GRHL3: variants seen among roughly 807,000 people sequenced by gnomAD.
The protein encoded by GRHL3 is grainyhead-like protein 3 homolog.
In GRHL3, 20 loss-of-function variants were observed where a neutral mutation model predicts 70.3. That is an observed-to-expected ratio of 0.28 (90% confidence interval 0.20 to 0.41). The LOEUF (loss-of-function observed/expected upper bound fraction) is 0.41. Among genes scored for constraint, GRHL3 ranks in the 10% least tolerant of loss-of-function variants. The pLI is 1.00. For synonymous variants in GRHL3, 299 were observed against 299.9 expected (o/e 1.00, Z 0.03); for missense variants, 637 against 762.3 (o/e 0.84, Z 1.94).
chr1:24,320,243 G>GA (rs1639128522), intron 1 of GRHL3, among the ~76,000 whole-genome samples: 1 of 152,338 alleles, frequency 6.6e-6, no homozygotes, highest in East Asian at 1.9e-4. Context: ...GCTATGGTCT[G>GA]AAGATGCGTT....
Position 24,346,542 on chromosome 1 carries a change from C to T in GRHL3, c.1455-11C>T. 6.2e-7 allele frequency: 1 copy of T among 1,603,822 alleles called. No individual in the cohort carries two copies. Among genetic ancestry groups the T allele is most frequent in the Non-Finnish European group, 8.5e-7 (1 of 1,171,578 alleles). On this transcript the variant is annotated splice_polypyrimidine_tract_variant and intron_variant, in intron 12 of 15. Transcript: ENST00000361548. The stretch of plus-strand genomic sequence containing the variant: ...AGTTTCTCACAAGCTCCCCCACTGC[C>T]ATCCCCACAGGCTGCCTCTGAAGCG...
chr1:24,364,441 G>A, exon 16 of GRHL3: 4 of 1,452,606 alleles, frequency 2.8e-6, no homozygotes, highest in Non-Finnish European at 3.6e-6. Flanking sequence ...CTCAGAGTAT[G>A]TGGCCCCTGA....
At chr1:24,341,435 G>A (rs1640035006) in intron 8 of GRHL3, among the ~76,000 whole-genome samples, 1 of 152,318 alleles carries the variant, frequency 6.6e-6, no homozygotes, top group South Asian at 2.1e-4. Flanking sequence ...GCAGATGTGG[G>A]CGGCCCCTCC....
intron 15 of GRHL3, among the ~76,000 whole-genome samples, chr1:24,354,157 G>A (rs969219164): frequency 6.6e-6 from 1 of 152,184 alleles, no homozygotes; most frequent in African/African-American, 2.4e-5. Flanking sequence ...GCAGGCCTGG[G>A]TTGGGTTGTG....
chr1:24,339,790 G>T, intron 8 of GRHL3, 28 bp downstream of exon 8: 1 of 1,480,128 alleles, frequency 6.8e-7, no homozygotes, highest in South Asian at 1.2e-5. Context: ...TGGCTGGGAT[G>T]GGACTGGGCT....
At position 24,328,006 on chromosome 1, in the gene GRHL3, C is replaced by G. The variant is rs138019070; in HGVS notation, c.18-3420C>G. Among the ~76,000 whole-genome samples, 25 of 152,332 alleles carry G rather than the reference C, an allele frequency of 1.6e-4. No homozygotes were observed. The East Asian group carries it at 4.6e-3, about 28-fold the overall frequency. Reference sequence around the variant, plus strand: ...TGGTGGCAGGAGCAGGCATGGGAACCAGGGCATTGGGACTCCCAGCCCCTG... The same window carrying G: ...TGGTGGCAGGAGCAGGCATGGGAACGAGGGCATTGGGACTCCCAGCCCCTG... On this transcript the variant is annotated intron_variant, in intron 1 of 15. Transcript: ENST00000361548.
At chr1:24,357,911 G>A, downstream of GRHL3, 1 of 324,752 alleles carries the variant, frequency 3.1e-6, no homozygotes, top group South Asian at 2.6e-5. Context: ...ATTCCAAGAT[G>A]ATCTCCCACT....
At chr1:24,343,206 T>C (rs1245825527) in intron 11 of GRHL3, 181 bp downstream of exon 11, 4 of 609,164 alleles carry the variant, frequency 6.6e-6, no homozygotes, top group South Asian at 4.6e-5. Context: ...ACCTATTGTA[T>C]TGAAGAGAAG....
chr1:24,350,171 A>G, intron 15 of GRHL3, 49 bp downstream of exon 15: 1 of 1,514,942 alleles, frequency 6.6e-7, no homozygotes, highest in Non-Finnish European at 9.1e-7. Flanking sequence ...GTGCTGAGCA[A>G]TGTTTGTACT....
downstream of GRHL3, chr1:24,358,422 G>A (rs1640865624): frequency 5.9e-6 from 5 of 853,710 alleles, no homozygotes; most frequent in South Asian, 5.4e-5. Context: ...CAGAGTGGTA[G>A]AGCCACCCCC....
rs1468925131 is a variant in GRHL3, at chr1:24,321,231, T to A, written c.17+1663T>A. Among the ~76,000 whole-genome samples, 3 of 152,224 alleles carry A rather than the reference T, an allele frequency of 2.0e-5. No homozygotes were observed. Among genetic ancestry groups the A allele is most frequent in the Admixed American group, 2.0e-4 (3 of 15,288 alleles). On this transcript the variant is annotated intron_variant, in intron 1 of 15. Transcript: ENST00000361548. The surrounding 1 kb of genome is among the most constrained non-coding windows in gnomAD (Gnocchi z 4.0). The stretch of plus-strand genomic sequence containing the variant: ...AAAGGTTTCTTGCTTTTCTCCTCCC[T>A]AATGGTTTGGATTTGAAGTCAGATC...
intron 15 of GRHL3, among the ~76,000 whole-genome samples, chr1:24,362,373 C>T (rs1210605763): frequency 6.6e-6 from 1 of 152,192 alleles, no homozygotes; most frequent in Non-Finnish European, 1.5e-5. Context: ...ATGGAGAAAG[C>T]ATGATGGCGG....
intron 11 of GRHL3, among the ~76,000 whole-genome samples, chr1:24,343,967 T>C (rs1640146838): frequency 6.6e-6 from 1 of 152,204 alleles, no homozygotes; most frequent in African/African-American, 2.4e-5. Context: ...TCTTGGGAGC[T>C]GCGCTGTGGC....
At chr1:24,340,464 A>G (rs1388797077) in intron 8 of GRHL3, among the ~76,000 whole-genome samples, 1 of 152,194 alleles carries the variant, frequency 6.6e-6, no homozygotes, top group Non-Finnish European at 1.5e-5. Context: ...TTCCAGCCTT[A>G]GTGCTTGAGC....
downstream of GRHL3, chr1:24,358,568 T>C: frequency 6.2e-7 from 1 of 1,614,134 alleles, no homozygotes; most frequent in Non-Finnish European, 8.5e-7. Flanking sequence ...CCATTTCTTG[T>C]CCTCGTTGTA....
At chr1:24,360,888 C>A (rs982760173) in intron 15 of GRHL3, 1 of 1,613,622 alleles carries the variant, frequency 6.2e-7, no homozygotes. Context: ...GCGCCGCTGT[C>A]CACCGGCTGG....
Position 24,331,432 on chromosome 1 carries a change from G to A in GRHL3, c.24G>A (p.Arg8=), listed in dbSNP as rs1018324786. Residue 8 remains arginine (R), a synonymous_variant, in exon 2 of 16, where the codon AGG becomes AGA. Coordinates refer to ENST00000361548, the MANE Select transcript of GRHL3 (RefSeq NM_198173.3). ...TCTCCTTACTTGCATTCAGTTTCAGGTCTGTGCGGCTGCTAAAGAACGACC... is the reference window on the plus strand; with the variant it reads ...TCTCCTTACTTGCATTCAGTTTCAGATCTGTGCGGCTGCTAAAGAACGACC... MSNELDF[R]SVRLLKNDPV... 1.2e-6 allele frequency: 2 copies of A among 1,610,428 alleles called. No homozygotes were observed. The highest frequency in any genetic ancestry group is 8.5e-7 in the Non-Finnish European group (1 of 1,177,820).
At chr1:24,353,502 T>C (rs533662525) in intron 15 of GRHL3, among the ~76,000 whole-genome samples, 1 of 61,614 alleles carries the variant, frequency 1.6e-5, no homozygotes, top group African/African-American at 6.8e-5. Flanking sequence ...GGGGTGTGTA[T>C]GGGTGGGTAG....
Position 24,342,290 on chromosome 1 carries a change from GACCCTAT to G in GRHL3, c.1206+20_1206+26del. ...TGTGACAAGGTGGCTGGACTGGGCA[GACCCTAT>G]ACTGGGTCCCGGGGAGGTAGAAGGG... is the stretch of plus-strand genomic sequence containing the variant. On this transcript the variant is annotated intron_variant, in intron 9 of 15. Coordinates refer to ENST00000361548, the MANE Select transcript of GRHL3 (RefSeq NM_198173.3). This position sits in a 1 kb window ranked among gnomAD's most constrained non-coding sequence, Gnocchi z 4.8. The G allele has an allele frequency of 6.3e-7, 1 of 1,586,190 alleles. No individual in the cohort carries two copies. The highest frequency in any genetic ancestry group is 8.6e-7 in the Non-Finnish European group (1 of 1,163,936).
Sources: gnomAD v4.1 joint callset for allele counts (sites outside exome capture counted in the v4.1 genomes callset) on GRCh38, gnomAD v4.1.1 for gene constraint, Gnocchi (gnomAD v3.1) non-coding constraint, MANE v1.5 for transcripts, NCBI Gene and HGNC (gene_info 2026-07-23, HGNC 2026-07-21) for gene names.